The following CELF2 variants were observed in gnomAD, a reference collection of about 807,000 sequenced individuals.
CELF2 encodes CUG triplet repeat RNA-binding protein 2.
In CELF2, 8 loss-of-function variants were observed where a neutral mutation model predicts 62.6. The observed-to-expected ratio is 0.13, with a 90% CI of 0.07 to 0.23. The LOEUF (loss-of-function observed/expected upper bound fraction) is 0.23, where lower values mean the gene tolerates loss of function less well. Ranked by LOEUF, CELF2 falls within the 10% of genes least tolerant of loss-of-function variation. The probability of loss-of-function intolerance (pLI) is 1.00; values close to 1 mark genes in which losing one functional copy is unlikely to be tolerated. For synonymous variants in CELF2, 258 were observed against 250.0 expected (o/e 1.03, Z -0.30); for missense variants, 333 against 671.0 (o/e 0.50, Z 5.56).
intron 2 of CELF2, among the ~76,000 whole-genome samples, chr10:10,970,258 G>A (rs1292216575): frequency 6.6e-6 from 1 of 152,022 alleles, no homozygotes; most frequent in Admixed American, 6.6e-5. Flanking sequence ...AGAGATACGG[G>A]GTTTCACCAT....
At chr10:10,955,722 T>G (rs1239043625) in intron 2 of CELF2, among the ~76,000 whole-genome samples, 1 of 152,202 alleles carries the variant, frequency 6.6e-6, no homozygotes, top group East Asian at 1.9e-4. Flanking sequence ...TTCATCATAC[T>G]GTATTTTTAG....
At chr10:10,782,568 C>T in the CELF2 span, among the ~76,000 whole-genome samples, 1 of 152,160 alleles carries the variant, frequency 6.6e-6, no homozygotes, top group Non-Finnish European at 1.5e-5. Context: ...ATCTGGGCAC[C>T]TCATAGCCCA....
rs991169683 is a variant in CELF2 at position 11,289,480 on chromosome 10, G to A, written c.976+928G>A. 2.0e-5 allele frequency among the ~76,000 whole-genome samples: 3 copies of A among 152,234 alleles called. No homozygotes were observed. In the South Asian group the frequency reaches 6.2e-4, roughly 31 times the overall value. On this transcript the variant is annotated intron_variant, in intron 9 of 12. Transcript: ENST00000633077. Reference sequence around the variant, plus strand: ...TTGACTTGAGGGAGGAATGAGGCAGGTTCCTAGAGCTGGCAGTTCTCAAAA... The same window carrying A: ...TTGACTTGAGGGAGGAATGAGGCAGATTCCTAGAGCTGGCAGTTCTCAAAA...
intron 1 of CELF2, among the ~76,000 whole-genome samples, chr10:11,065,336 A>T (rs1264112171): frequency 6.6e-6 from 1 of 152,210 alleles, no homozygotes; most frequent in African/African-American, 2.4e-5. Flanking sequence ...TTGTTTCCTC[A>T]GGTTTCTTTC....
the CELF2 span, among the ~76,000 whole-genome samples, chr10:10,573,436 T>G: frequency 5.9e-5 from 9 of 152,226 alleles, no homozygotes; most frequent in East Asian, 1.5e-3. Context: ...TAGAAGAGTT[T>G]TTATACCTTG....
At chr10:10,794,340 G>C (rs182019050), upstream of CELF2, among the ~76,000 whole-genome samples, 1 of 151,900 alleles carries the variant, frequency 6.6e-6, no homozygotes, top group South Asian at 2.1e-4. Flanking sequence ...GGCAAGAGCC[G>C]GCAAAAATAA....
intron 1 of CELF2, among the ~76,000 whole-genome samples, chr10:11,085,516 A>G (rs1388666447): frequency 6.6e-6 from 1 of 152,202 alleles, no homozygotes; most frequent in Non-Finnish European, 1.5e-5. Flanking sequence ...AAGTTCTCCT[A>G]AGCACTTTTA....
At chr10:10,506,832 T>C in the CELF2 span, among the ~76,000 whole-genome samples, 14 of 151,712 alleles carry the variant, frequency 9.2e-5, no homozygotes, top group African/African-American at 3.1e-4. Context: ...GCCTGGCTAA[T>C]TTTTGTATTT....
rs2066888560 is a variant in CELF2, at chr10:11,165,732, G to A, written c.271+50G>A. ...CCAGGCGTCCAGGTGGGCGTCGCGG[G>A]GCACTGGGGCTGTCCGAGCCCCCAG... is the stretch of plus-strand genomic sequence containing the variant. On this transcript the variant is annotated intron_variant, in intron 2 of 12. Transcript: ENST00000633077. This position sits in a 1 kb window ranked among gnomAD's most constrained non-coding sequence, Gnocchi z 7.4. The A allele has an allele frequency of 1.3e-6, 2 of 1,526,392 alleles. No individual in the cohort carries two copies. Among genetic ancestry groups the A allele is most frequent in the Non-Finnish European group, 1.8e-6 (2 of 1,128,806 alleles). The allele number at this position is 1,526,392 out of a possible 1,614,324, so 94.6% of individuals were successfully genotyped here.
chr10:10,894,004 C>T (rs534504662), intron 1 of CELF2, among the ~76,000 whole-genome samples: 5 of 152,032 alleles, frequency 3.3e-5, no homozygotes, highest in African/African-American at 4.8e-5. Flanking sequence ...AATCAGAGAG[C>T]GTTCTTGGAG....
chr10:11,116,918 A>G (rs2056683769), intron 1 of CELF2, among the ~76,000 whole-genome samples: 3 of 152,192 alleles, frequency 2.0e-5, no homozygotes, highest in Admixed American at 2.0e-4. Context: ...TACAGATACT[A>G]TTATATTTAA....
At chr10:11,198,838 C>A (rs183722088) in intron 2 of CELF2, among the ~76,000 whole-genome samples, 1 of 152,322 alleles carries the variant, frequency 6.6e-6, no homozygotes, top group African/African-American at 2.4e-5. Context: ...TCGTGGCAAT[C>A]TATAGACTGT....
At chr10:10,489,192 AATAC>A in the CELF2 span, among the ~76,000 whole-genome samples, 1 of 152,136 alleles carries the variant, frequency 6.6e-6, no homozygotes, top group Non-Finnish European at 1.5e-5. Flanking sequence ...TACAGAACTT[AATAC>A]TGAAGGATAA....
At position 11,233,991 on chromosome 10, in the gene CELF2, T is replaced by C. The variant is rs114806046; in HGVS notation, c.355-15162T>C. On this transcript the variant is annotated intron_variant, in intron 3 of 12. Coordinates refer to ENST00000633077, the MANE Select transcript of CELF2 (RefSeq NM_001326342.2). Reference sequence around the variant, plus strand: ...TGCATCTTGTATCAGAAAAATCAGATGTGACTGCTGAGTTTGAAGGGTGAG... The same window carrying C: ...TGCATCTTGTATCAGAAAAATCAGACGTGACTGCTGAGTTTGAAGGGTGAG... 5.3e-3 allele frequency among the ~76,000 whole-genome samples: 801 copies of C among 152,332 alleles called. 4 individuals are homozygous for C. The highest frequency in any genetic ancestry group is 0.019 in the African/African-American group (770 of 41,572).
intron 1 of CELF2, among the ~76,000 whole-genome samples, chr10:10,894,563 A>T (rs938650256): frequency 1.3e-5 from 2 of 152,232 alleles, no homozygotes; most frequent in Admixed American, 6.5e-5. Flanking sequence ...GGTTTCAATC[A>T]CACCAGTAGG....
Position 11,244,770 on chromosome 10 carries a change from G to T in CELF2, c.355-4383G>T, listed in dbSNP as rs1052027308. Among the ~76,000 whole-genome samples, 1 of 151,796 alleles carries T rather than the reference G, an allele frequency of 6.6e-6. No individual in the cohort carries two copies. Among genetic ancestry groups the T allele is most frequent in the Non-Finnish European group, 1.5e-5 (1 of 67,988 alleles). ...AGTAGGGCCTATTTTCTCTTATTCT[G>T]TGCCTCCAAATAAATTGTTCTTTTC... On this transcript the variant is annotated intron_variant, in intron 3 of 12. Coordinates refer to ENST00000633077, the MANE Select transcript of CELF2 (RefSeq NM_001326342.2). The surrounding 1 kb of genome is among the most constrained non-coding windows in gnomAD (Gnocchi z 4.2).
intron 1 of CELF2, among the ~76,000 whole-genome samples, chr10:10,853,844 A>G (rs1271616895): frequency 6.6e-6 from 1 of 152,094 alleles, no homozygotes; most frequent in Non-Finnish European, 1.5e-5. Context: ...GGGGCAGAGG[A>G]TGCCGGCTGG....
chr10:11,218,876 T>A (rs77651894), intron 3 of CELF2, among the ~76,000 whole-genome samples: 1,976 of 152,328 alleles, frequency 0.013, 44 homozygotes, highest in African/African-American at 0.045. Context: ...GAGATTGCAG[T>A]GTTGGGTCAC....
intron 1 of CELF2, among the ~76,000 whole-genome samples, chr10:11,149,555 T>C (rs2062923549): frequency 6.6e-6 from 1 of 152,154 alleles, no homozygotes; most frequent in Non-Finnish European, 1.5e-5. Context: ...CCAGAAGCAG[T>C]GTACTAAGTA....
Sources: gnomAD v4.1 joint callset for allele counts (sites outside exome capture counted in the v4.1 genomes callset) on GRCh38, gnomAD v4.1.1 for gene constraint, Gnocchi (gnomAD v3.1) non-coding constraint, MANE v1.5 for transcripts, NCBI Gene and HGNC (gene_info 2026-07-23, HGNC 2026-07-21) for gene names.